SHB: variants seen among roughly 807,000 people sequenced by gnomAD.
The protein encoded by SHB is SH2 domain-containing adapter protein B.
SHB carries 20 observed loss-of-function variants against 52.3 expected under a neutral mutation model. The ratio of observed to expected loss-of-function variants is 0.38; its 90% CI spans 0.27 to 0.56. SHB has a LOEUF of 0.56. Among genes scored for constraint, SHB ranks in the 20% least tolerant of loss-of-function variants. SHB has a pLI of 0.71. For synonymous variants in SHB, 397 were observed against 316.5 expected (o/e 1.25, Z -2.70); for missense variants, 825 against 723.3 (o/e 1.14, Z -1.61).
intron 5 of SHB, among the ~76,000 whole-genome samples, chr9:37,923,837 T>G (rs1832212590): frequency 6.6e-6 from 1 of 152,140 alleles, no homozygotes; most frequent in South Asian, 2.1e-4. Flanking sequence ...TACACTACCC[T>G]GGCCCAAGGC....
chr9:38,029,890 A>T (rs1323754735), intron 1 of SHB, among the ~76,000 whole-genome samples: 1 of 152,218 alleles, frequency 6.6e-6, no homozygotes, highest in African/African-American at 2.4e-5. Flanking sequence ...ATGTGTACAC[A>T]TTTGCACAGC....
rs115660297 is a variant in SHB at position 37,948,502 on chromosome 9, C to T, written c.1346+133G>A. On this transcript the variant is annotated intron_variant, in intron 5 of 5. Coordinates refer to ENST00000377707, the MANE Select transcript of SHB (RefSeq NM_003028.3). Reference sequence around the variant, plus strand: ...AGGAGAATAGGATCAAATTGAAAAACCCAGGCCTAAAATAACGTGTGCTGG... The same window carrying T: ...AGGAGAATAGGATCAAATTGAAAAATCCAGGCCTAAAATAACGTGTGCTGG... The T allele has an allele frequency of 8.9e-4, 956 of 1,071,930 alleles. 7 individuals carry two copies. The African/African-American group carries it at 0.014, about 15-fold the overall frequency. The allele number at this position is 1,071,930 out of a possible 1,614,324, so 66.4% of individuals were successfully genotyped here.
intron 4 of SHB, among the ~76,000 whole-genome samples, chr9:37,955,513 T>TG (rs1832618505): frequency 6.6e-6 from 1 of 152,164 alleles, no homozygotes; most frequent in African/African-American, 2.4e-5. Flanking sequence ...GGTCTCGCTC[T>TG]GTTGCCCAGG....
intron 2 of SHB, among the ~76,000 whole-genome samples, chr9:37,995,833 G>A (rs576806672): frequency 3.3e-5 from 5 of 152,164 alleles, no homozygotes; most frequent in Admixed American, 2.0e-4. Flanking sequence ...GACACTTGAC[G>A]GCACTCCCTT....
At chr9:37,955,421 G>C (rs865977750) in intron 4 of SHB, among the ~76,000 whole-genome samples, 5 of 152,100 alleles carry the variant, frequency 3.3e-5, no homozygotes, top group Non-Finnish European at 5.9e-5. Flanking sequence ...ATACACAGAG[G>C]GGGAGGTAGG....
At chr9:38,020,752 T>C (rs1187732767) in intron 1 of SHB, among the ~76,000 whole-genome samples, 2 of 152,052 alleles carry the variant, frequency 1.3e-5, no homozygotes, top group Admixed American at 6.6e-5. Context: ...CAATAACCTA[T>C]GAAAATAAAA....
chr9:38,043,317 G>T (rs1181337853), intron 1 of SHB, among the ~76,000 whole-genome samples: 1 of 152,194 alleles, frequency 6.6e-6, no homozygotes, highest in Admixed American at 6.5e-5. Flanking sequence ...TAGACACATA[G>T]GGGACTGAAC....
chr9:38,043,569 G>A (rs1821607957), intron 1 of SHB, among the ~76,000 whole-genome samples: 1 of 152,154 alleles, frequency 6.6e-6, no homozygotes, highest in African/African-American at 2.4e-5. Context: ...GAGGGTCAGT[G>A]GGGCTCCCCC....
chr9:37,967,486 C>T (rs1820540204), intron 3 of SHB, among the ~76,000 whole-genome samples: 1 of 152,200 alleles, frequency 6.6e-6, no homozygotes, highest in South Asian at 2.1e-4. Context: ...AACCAATGTA[C>T]TCCAGTACAG....
chr9:37,999,377 G>A (rs1373634855), intron 2 of SHB, among the ~76,000 whole-genome samples: 2 of 152,210 alleles, frequency 1.3e-5, no homozygotes, highest in African/African-American at 2.4e-5. Context: ...GACTCGGGGT[G>A]ACCAGGAGCT....
intron 2 of SHB, among the ~76,000 whole-genome samples, chr9:37,987,669 G>A (rs1820827969): frequency 6.6e-6 from 1 of 152,208 alleles, no homozygotes; most frequent in African/African-American, 2.4e-5. Context: ...CTCTAGCCCT[G>A]AGGTTTATCT....
At chr9:38,040,419 C>T (rs1821560644) in intron 1 of SHB, among the ~76,000 whole-genome samples, 1 of 152,194 alleles carries the variant, frequency 6.6e-6, no homozygotes, top group Non-Finnish European at 1.5e-5. Context: ...GGAAGGGAGG[C>T]CTCCCCAGAC....
chr9:37,961,719 A>C (rs141579916), intron 3 of SHB, among the ~76,000 whole-genome samples: 17 of 152,336 alleles, frequency 1.1e-4, no homozygotes, highest in African/African-American at 4.1e-4. Flanking sequence ...TATTCTTCAG[A>C]GCTCAGCTCC....
chr9:37,942,913 C>G (rs1204944849), intron 5 of SHB, among the ~76,000 whole-genome samples: 1 of 151,924 alleles, frequency 6.6e-6, no homozygotes, highest in Non-Finnish European at 1.5e-5. Context: ...GGGGGGATCA[C>G]TGGGGGGACA....
intron 5 of SHB, among the ~76,000 whole-genome samples, chr9:37,943,971 G>A (rs965713739): frequency 6.6e-6 from 1 of 152,146 alleles, no homozygotes; most frequent in African/African-American, 2.4e-5. Flanking sequence ...TCCAGAGACA[G>A]GAAACTGTGT....
rs528490861 is a variant in SHB at position 38,055,836 on chromosome 9, C to T, written c.717+12093G>A. ...GGGCAGGGCAGACCACCGTGATTGC[C>T]TCAAATACACCTAGACAGCCCAGCC... On this transcript the variant is annotated intron_variant, in intron 1 of 5. Coordinates refer to ENST00000377707, the MANE Select transcript of SHB (RefSeq NM_003028.3). Among the ~76,000 whole-genome samples the T allele has an allele frequency of 5.9e-5, 9 of 152,224 alleles. No individual in the cohort carries two copies. In the South Asian group the frequency reaches 1.9e-3, roughly 32 times the overall value.
chr9:37,936,404 T>A (rs1832372044), intron 5 of SHB, among the ~76,000 whole-genome samples: 1 of 152,236 alleles, frequency 6.6e-6, no homozygotes, highest in South Asian at 2.1e-4. Flanking sequence ...ATGCATGTGA[T>A]ATACGGCTAC....
intron 2 of SHB, among the ~76,000 whole-genome samples, chr9:37,999,473 T>C (rs1820987283): frequency 6.6e-6 from 1 of 152,182 alleles, no homozygotes; most frequent in Admixed American, 6.5e-5. Context: ...TTTAAAGGTA[T>C]ATATGCTACA....
intron 2 of SHB, among the ~76,000 whole-genome samples, chr9:38,013,419 CAG>C (rs1334885468): frequency 6.6e-6 from 1 of 152,108 alleles, no homozygotes; most frequent in Non-Finnish European, 1.5e-5. Context: ...CTAGATGACA[CAG>C]TGAGACCCCG....
Sources: allele counts gnomAD v4.1 joint callset (sites outside exome capture counted in the v4.1 genomes callset), GRCh38; gene constraint gnomAD v4.1.1; transcripts MANE v1.5; gene names NCBI Gene and HGNC (gene_info 2026-07-23, HGNC 2026-07-21).